IBTK: variants seen among roughly 807,000 people sequenced by gnomAD.
The protein encoded by IBTK is inhibitor of Bruton tyrosine kinase.
Under a neutral mutation model 154.9 loss-of-function variants are expected in IBTK, and 83 were observed. The observed-to-expected ratio is 0.54, with a 90% CI of 0.45 to 0.64. The LOEUF (loss-of-function observed/expected upper bound fraction) is 0.64. Among genes scored for constraint, IBTK ranks in the 30% least tolerant of loss-of-function variants. The pLI, the probability that IBTK is intolerant of heterozygous loss-of-function variation, is 0.00. For synonymous variants in IBTK, 515 were observed against 536.1 expected, an observed-to-expected ratio of 0.96 and a Z score of 0.54; for missense variants, 1,332 against 1,584.6, an observed-to-expected ratio of 0.84 and a Z score of 2.71.
At chr6:82,241,670 T>A (rs1770958269) in intron 1 of IBTK, among the ~76,000 whole-genome samples, 1 of 152,200 alleles carries the variant, frequency 6.6e-6, no homozygotes, top group Non-Finnish European at 1.5e-5. Flanking sequence ...CTAAGCAGGA[T>A]CTGAAATCCG....
At chr6:82,242,055 G>A (rs571356007) in intron 1 of IBTK, among the ~76,000 whole-genome samples, 2 of 152,330 alleles carry the variant, frequency 1.3e-5, no homozygotes, top group East Asian at 3.9e-4. Flanking sequence ...TACAAAAGTA[G>A]TTGCAGATTT....
chr6:82,240,364 A>G lies in IBTK; in HGVS notation c.123T>C (p.Cys41=). ...CATCCTTGATAGTTGCAGCATTGTA[A>G]CAATGACTGGAGAGAAAGGCCTTAA... The part of the protein sequence containing the change: ...NQIKAFLSSH[C]YNAATIKDVF... Residue 41 remains cysteine (C), a synonymous_variant, in exon 2 of 29, where the codon TGT becomes TGC. Transcript: ENST00000306270. 6.2e-7 allele frequency: 1 copy of G among 1,614,182 alleles called. No individual in the cohort carries two copies. The highest frequency in any genetic ancestry group is 1.1e-5 in the South Asian group (1 of 91,084).
At chr6:82,222,073 C>G (rs1483354361) in intron 8 of IBTK, among the ~76,000 whole-genome samples, 1 of 149,854 alleles carries the variant, frequency 6.7e-6, no homozygotes, top group Non-Finnish European at 1.5e-5. Flanking sequence ...GAGGCTGAGG[C>G]AGAAGAATTG....
Position 82,191,788 on chromosome 6 carries a change from C to T in IBTK, c.3430G>A (p.Gly1144Ser), listed in dbSNP as rs774920158. The T allele has an allele frequency of 8.3e-6, 13 of 1,569,720 alleles. No homozygotes were observed. The highest frequency in any genetic ancestry group is 1.1e-5 in the Non-Finnish European group (13 of 1,140,240). ...KCGATPKSHLGKTVSHGVKLS... is the reference protein window; with the variant it reads ...KCGATPKSHLSKTVSHGVKLS... ...TCTTTTGTAATGTTTTCAACCCACC[C>T]TAAATGTGACTTTGGTGTAGCTCCA... Residue 1144 changes from glycine to serine, a missense_variant and splice_region_variant, in exon 24 of 29, where the codon GGC becomes AGC. Transcript: ENST00000306270.
At chr6:82,224,851 T>C (rs534139130) in intron 6 of IBTK, among the ~76,000 whole-genome samples, 5 of 152,250 alleles carry the variant, frequency 3.3e-5, no homozygotes, top group Admixed American at 1.3e-4. Context: ...AGTGTTTAAG[T>C]TTCAAATCCA....
intron 16 of IBTK, among the ~76,000 whole-genome samples, chr6:82,209,830 A>G (rs1041982038): frequency 6.6e-6 from 1 of 152,210 alleles, no homozygotes; most frequent in Non-Finnish European, 1.5e-5. Context: ...GTTAAACTCT[A>G]TCTCCTTACA....
intron 2 of IBTK, among the ~76,000 whole-genome samples, chr6:82,237,981 C>T (rs554957137): frequency 9.2e-5 from 14 of 152,200 alleles, no homozygotes; most frequent in Non-Finnish European, 1.2e-4. Context: ...TGGTGGCTCA[C>T]ACCTGTAATC....
At chr6:82,233,317 AC>A (rs747044335) in intron 3 of IBTK, among the ~76,000 whole-genome samples, 31 of 152,070 alleles carry the variant, frequency 2.0e-4, no homozygotes, top group Non-Finnish European at 4.1e-4. Flanking sequence ...ACAAAGCGAG[AC>A]CCTATCTCAA....
At chr6:82,236,898 T>C (rs1035260412) in intron 2 of IBTK, among the ~76,000 whole-genome samples, 5 of 152,196 alleles carry the variant, frequency 3.3e-5, no homozygotes, top group African/African-American at 1.2e-4. Flanking sequence ...GAATGGTTAA[T>C]ACAGGATTTA....
At chr6:82,228,450 T>A (rs1336183257) in intron 4 of IBTK, among the ~76,000 whole-genome samples, 1 of 152,212 alleles carries the variant, frequency 6.6e-6, no homozygotes, top group East Asian at 1.9e-4. Flanking sequence ...TCCAAATTTG[T>A]ATTTTAAATT....
In IBTK at chr6:82,205,069, T is replaced by A. The variant is rs566572758; in HGVS notation, c.2510-111A>T. ...AAAAGAGATTTAAGTAAAAAAAAAA[T>A]TTGAAGTAATTAGTACACTAGAAAA... On this transcript the variant is annotated intron_variant, in intron 16 of 28. Transcript: ENST00000306270. The A allele has an allele frequency of 1.9e-3, 859 of 464,176 alleles. 4 individuals are homozygous for A. The highest frequency in any genetic ancestry group is 7.6e-3 in the South Asian group (117 of 15,330). 28.8% of individuals were successfully genotyped at this position (464,176 alleles called of 1,614,324 possible). A position where few individuals can be genotyped will look rare whatever the true frequency, so the allele number is the denominator to read the frequency against.
rs1029306102 is a variant in IBTK at position 82,218,273 on chromosome 6, C to A, written c.1249-136G>T. On this transcript the variant is annotated intron_variant, in intron 9 of 28. Coordinates refer to ENST00000306270, the MANE Select transcript of IBTK (RefSeq NM_015525.4). ...GTATGTTTCAATGTTTATTCTTCCA[C>A]AGAAAAAGATAGCTACTATAAGAAA... 6.0e-5 allele frequency: 30 copies of A among 502,422 alleles called. No individual in the cohort carries two copies. The Admixed American group carries it at 6.5e-4, about 11-fold the overall frequency. 31.1% of individuals were successfully genotyped at this position (502,422 alleles called of 1,614,324 possible). A position where few individuals can be genotyped will look rare whatever the true frequency, so the allele number is the denominator to read the frequency against.
chr6:82,209,689 T>C (rs577364943), intron 16 of IBTK, among the ~76,000 whole-genome samples: 3 of 152,346 alleles, frequency 2.0e-5, no homozygotes, highest in East Asian at 1.9e-4. Context: ...ACTTATTGTA[T>C]GCTTTAAAAG....
chr6:82,231,720 G>C lies in IBTK; in HGVS notation c.541C>G (p.Gln181Glu), dbSNP rs1278803921. The C allele has an allele frequency of 3.1e-6, 5 of 1,596,496 alleles. No homozygotes were observed. Among genetic ancestry groups the C allele is most frequent in the Non-Finnish European group, 2.6e-6 (3 of 1,173,188 alleles). The change falls in exon 4 of 29, where the codon CAG (glutamine) becomes GAG (glutamate). Residue 181 changes from glutamine (Q) to glutamate (E), a missense_variant and splice_region_variant. Physicochemically the swap from Gln to Glu is conservative, Grantham distance 29. Transcript: ENST00000306270. ...LFSRSGIYIK[Q>E]VVLCKFHSVF... is the part of the protein sequence containing the mutation. Reference sequence around the variant, plus strand: ...TATAGATTGTACTTCAAAAATACCTGCTTGATATAAATCCCACTCCTGGAG... The same window carrying C: ...TATAGATTGTACTTCAAAAATACCTCCTTGATATAAATCCCACTCCTGGAG...
At chr6:82,245,745 CT>C (rs1771118036) in intron 1 of IBTK, among the ~76,000 whole-genome samples, 1 of 151,806 alleles carries the variant, frequency 6.6e-6, no homozygotes, top group African/African-American at 2.4e-5. Context: ...TTTGAACAGC[CT>C]TATGTGCCTT....
intron 21 of IBTK, among the ~76,000 whole-genome samples, 195 bp from the exon 22 acceptor site, chr6:82,196,641 AAG>A (rs1768999370): frequency 6.6e-6 from 1 of 152,236 alleles, no homozygotes; most frequent in African/African-American, 2.4e-5. Context: ...ACTGAAATGG[AAG>A]AGATTCTAAA....
At chr6:82,247,077 A>T (rs1244921567) in intron 1 of IBTK, among the ~76,000 whole-genome samples, 1 of 152,106 alleles carries the variant, frequency 6.6e-6, no homozygotes, top group Non-Finnish European at 1.5e-5. Context: ...ACCCTCCAAA[A>T]AGAATCAGTT....
intron 6 of IBTK, among the ~76,000 whole-genome samples, 161 bp downstream of exon 6, chr6:82,225,315 AT>A (rs1214599873): frequency 3.3e-5 from 5 of 151,796 alleles, no homozygotes; most frequent in African/African-American, 1.2e-4. Flanking sequence ...GTCTCAAAAA[AT>A]AATAATAATA....
At chr6:82,234,732 T>C (rs1190145794) in intron 2 of IBTK, among the ~76,000 whole-genome samples, 2 of 152,078 alleles carry the variant, frequency 1.3e-5, no homozygotes, top group Non-Finnish European at 2.9e-5. Flanking sequence ...TTCACACACA[T>C]TTTTCTCTCA....
Sources: gnomAD v4.1 joint callset for allele counts (sites outside exome capture counted in the v4.1 genomes callset) on GRCh38, gnomAD v4.1.1 for gene constraint, MANE v1.5 for transcripts, NCBI Gene and HGNC (gene_info 2026-07-23, HGNC 2026-07-21) for gene names.